The following CCDC186 variants were observed in gnomAD, a reference collection of about 807,000 sequenced individuals.
CCDC186 encodes coiled-coil domain containing 186, also known as coiled-coil domain-containing protein 186.
Under a neutral mutation model 113.7 loss-of-function variants are expected in CCDC186, and 49 were observed. The observed-to-expected ratio is 0.43, with a 90% CI of 0.34 to 0.55. The LOEUF (loss-of-function observed/expected upper bound fraction) is 0.55, where lower values mean the gene tolerates loss of function less well. CCDC186 is among the 20% of genes least tolerant of loss of function. The probability of loss-of-function intolerance (pLI) is 0.02; values close to 1 mark genes in which losing one functional copy is unlikely to be tolerated. For missense variants in CCDC186, 890 were observed against 1,011.1 expected, an observed-to-expected ratio of 0.88 and a Z score of 1.62; for synonymous variants, 355 against 345.8, an observed-to-expected ratio of 1.03 and a Z score of -0.30.
chr10:114,142,973 A>G (rs937722369), intron 6 of CCDC186, among the ~76,000 whole-genome samples: 1 of 152,102 alleles, frequency 6.6e-6, no homozygotes, highest in African/African-American at 2.4e-5. Context: ...CATCTTGGAC[A>G]CTCTTTGAAA....
chr10:114,150,283 G>A (rs906902653), intron 4 of CCDC186, among the ~76,000 whole-genome samples: 1 of 152,158 alleles, frequency 6.6e-6, no homozygotes, highest in Non-Finnish European at 1.5e-5. Flanking sequence ...TCCATAAAGA[G>A]TTCAGGCAAG....
chr10:114,165,907 T>G (rs1015606065), intron 1 of CCDC186: 3 of 982,272 alleles, frequency 3.1e-6, no homozygotes, highest in Non-Finnish European at 3.6e-6. Flanking sequence ...TACCTCTTCA[T>G]GCCAAGCAGC....
rs1433962958 is a variant in CCDC186 at position 114,120,919 on chromosome 10, A to G, written c.*4224T>C. On this transcript the variant is annotated 3_prime_UTR_variant, in exon 16 of 16. Transcript: ENST00000369287. ...CAATATATACATAGAATCCTCTTGA[A>G]AAGTTTCATTTTATACAGAAACATA... 3.3e-5 allele frequency: 5 copies of G among 152,166 alleles called. No homozygotes were observed. Among genetic ancestry groups the G allele is most frequent in the Non-Finnish European group, 7.4e-5 (5 of 68,016 alleles). The allele number at this position is 152,166 out of a possible 1,614,324, so 9.4% of individuals were successfully genotyped here. A position where few individuals can be genotyped will look rare whatever the true frequency, so the allele number is the denominator to read the frequency against.
rs1481862061 is a variant in CCDC186 at position 114,123,718 on chromosome 10, A to C, written c.*1425T>G. 1 of 152,238 alleles carries C rather than the reference A, an allele frequency of 6.6e-6. No individual in the cohort carries two copies. The highest frequency in any genetic ancestry group is 1.5e-5 in the Non-Finnish European group (1 of 68,044). 9.4% of individuals were successfully genotyped at this position (152,238 alleles called of 1,614,324 possible). On this transcript the variant is annotated 3_prime_UTR_variant, in exon 16 of 16. Coordinates refer to ENST00000369287, the MANE Select transcript of CCDC186 (RefSeq NM_018017.4). ...GGGGTGAGAAAAAATTCAATGACAG[A>C]AATATTGATACTACGGCAACACTTA...
intron 4 of CCDC186, among the ~76,000 whole-genome samples, chr10:114,149,642 G>GAAA (rs2031764948): frequency 2.3e-4 from 1 of 4,368 alleles, no homozygotes. Flanking sequence ...GGGAGGGGAG[G>GAAA]GAATGCGAAG....
At chr10:114,155,344 C>T (rs895130073) in intron 3 of CCDC186, among the ~76,000 whole-genome samples, 1 of 152,170 alleles carries the variant, frequency 6.6e-6, no homozygotes. Context: ...GTACAAGCCA[C>T]ATGTGGAATT....
intron 1 of CCDC186, chr10:114,168,146 C>G (rs2032389400): frequency 1.3e-5 from 2 of 152,246 alleles, no homozygotes; most frequent in African/African-American, 2.4e-5. Context: ...CTTTTTCTCC[C>G]TTAGAGTTGT....
At chr10:114,136,934 T>C (rs1283706089) in intron 7 of CCDC186, among the ~76,000 whole-genome samples, 1 of 151,948 alleles carries the variant, frequency 6.6e-6, no homozygotes, top group Non-Finnish European at 1.5e-5. Flanking sequence ...CCAGCCAACA[T>C]AGTGAAACCC....
intron 1 of CCDC186, among the ~76,000 whole-genome samples, chr10:114,172,058 A>G (rs1458326943): frequency 3.3e-5 from 5 of 152,308 alleles, no homozygotes; most frequent in African/African-American, 1.2e-4. Flanking sequence ...AAACTCAGTG[A>G]TATGTTTATG....
intron 7 of CCDC186, 64 bp from the exon 8 acceptor site, chr10:114,136,310 T>C: frequency 9.1e-7 from 1 of 1,098,796 alleles, no homozygotes; most frequent in African/African-American, 1.5e-5. Context: ...GCCCTGAGAA[T>C]ACTCGTCTCT....
chr10:114,133,347 C>T (rs1564906374), intron 10 of CCDC186, among the ~76,000 whole-genome samples: 1 of 152,114 alleles, frequency 6.6e-6, no homozygotes, highest in African/African-American at 2.4e-5. Context: ...GGATGCTGCA[C>T]TCATCATTCA....
intron 6 of CCDC186, among the ~76,000 whole-genome samples, chr10:114,139,365 C>T (rs2031386394): frequency 6.6e-6 from 1 of 151,926 alleles, no homozygotes; most frequent in Admixed American, 6.5e-5. Context: ...GAGTTGAAGA[C>T]CAACCCTGCC....
chr10:114,142,585 C>T (rs187950566), intron 6 of CCDC186, among the ~76,000 whole-genome samples: 9 of 152,312 alleles, frequency 5.9e-5, no homozygotes, highest in African/African-American at 1.7e-4. Context: ...GTTTAAAACA[C>T]ATTTTCAGTT....
Position 114,123,255 on chromosome 10 carries a change from A to G in CCDC186, c.*1888T>C, listed in dbSNP as rs2030785436. On this transcript the variant is annotated 3_prime_UTR_variant, in exon 16 of 16. Transcript: ENST00000369287. Reference sequence around the variant, plus strand: ...ATTATTGGTAAAAAGAACAAGACACATTATGTTAAGACTAATACTTTTTAT... The same window carrying G: ...ATTATTGGTAAAAAGAACAAGACACGTTATGTTAAGACTAATACTTTTTAT... 6.6e-6 allele frequency: 1 copy of G among 152,626 alleles called. No homozygotes were observed. Among genetic ancestry groups the G allele is most frequent in the African/African-American group, 2.4e-5 (1 of 41,454 alleles). 9.5% of individuals were successfully genotyped at this position (152,626 alleles called of 1,614,324 possible). A position where few individuals can be genotyped will look rare whatever the true frequency, so the allele number is the denominator to read the frequency against.
At chr10:114,142,989 G>A (rs893941735) in intron 6 of CCDC186, among the ~76,000 whole-genome samples, 6 of 152,166 alleles carry the variant, frequency 3.9e-5, no homozygotes, top group Non-Finnish European at 8.8e-5. Flanking sequence ...TGAAAGTAAC[G>A]ACTGTGTCTC....
chr10:114,133,840 A>C (rs1017831985), intron 10 of CCDC186, among the ~76,000 whole-genome samples: 1 of 152,202 alleles, frequency 6.6e-6, no homozygotes, highest in South Asian at 2.1e-4. Context: ...TGAATACAGA[A>C]GATTATATAA....
chr10:114,169,543 C>T, intron 1 of CCDC186, among the ~76,000 whole-genome samples: 1 of 152,094 alleles, frequency 6.6e-6, no homozygotes, highest in Non-Finnish European at 1.5e-5. Context: ...GCGCCCAGCC[C>T]ATACCATTCT....
chr10:114,157,411 CA>C (rs2032042430), intron 3 of CCDC186, 142 bp downstream of exon 3: 1 of 583,600 alleles, frequency 1.7e-6, no homozygotes, highest in Non-Finnish European at 2.7e-6. Flanking sequence ...AGGCTGGTCT[CA>C]AACTCCTGGG....
chr10:114,167,690 C>G (rs547846577), intron 1 of CCDC186, among the ~76,000 whole-genome samples: 42 of 149,528 alleles, frequency 2.8e-4, no homozygotes, highest in South Asian at 2.7e-3. Flanking sequence ...TGCTGATACA[C>G]TGGGGGTGCA....
Sources: allele counts gnomAD v4.1 joint callset (sites outside exome capture counted in the v4.1 genomes callset), GRCh38; gene constraint gnomAD v4.1.1; transcripts MANE v1.5; gene names NCBI Gene and HGNC (gene_info 2026-07-23, HGNC 2026-07-21).